CACNA1B: variants seen among roughly 807,000 people sequenced by gnomAD.
CACNA1B encodes the protein voltage-dependent N-type calcium channel subunit alpha-1B.
CACNA1B carries 70 observed loss-of-function variants against 247.2 expected under a neutral mutation model. That is an observed-to-expected ratio of 0.28 (90% CI 0.23 to 0.35). The LOEUF (loss-of-function observed/expected upper bound fraction) is 0.35. CACNA1B is among the 10% of genes least tolerant of loss of function. The pLI is 1.00. For synonymous variants in CACNA1B, 1,231 were observed against 1,294.4 expected (o/e 0.95, Z 1.05); for missense variants, 2,367 against 3,197.4 (o/e 0.74, Z 6.26).
At chr9:138,015,594 TGGCCTGCGGAGCGG>T (rs935573492) in intron 18 of CACNA1B, among the ~76,000 whole-genome samples, 18 of 152,232 alleles carry the variant, frequency 1.2e-4, no homozygotes, top group African/African-American at 3.9e-4. Context: ...CTGTGCTGCG[TGGCCTGCGGAGCGG>T]GGCCAATGCC....
chr9:137,992,654 A>G (rs1958445434), intron 15 of CACNA1B, among the ~76,000 whole-genome samples: 1 of 152,192 alleles, frequency 6.6e-6, no homozygotes, highest in African/African-American at 2.4e-5. Context: ...TCATCAGCAC[A>G]TGGAACATTC....
rs1959541035 is a variant in CACNA1B at position 138,057,198 on chromosome 9, AAGTGCTGGGATTAC to A, written c.3969-531_3969-518del. On this transcript the variant is annotated intron_variant, in intron 26 of 46. Coordinates refer to ENST00000371372, the MANE Select transcript of CACNA1B (RefSeq NM_000718.4). This position sits in a 1 kb window ranked among gnomAD's most constrained non-coding sequence, Gnocchi z 4.0. The stretch of plus-strand genomic sequence containing the variant: ...GTGATCCGCCCGCCTCGGCCTCCCA[AAGTGCTGGGATTAC>A]AGGCGTGAGCCACCGCGCCCGGCCT... Among the ~76,000 whole-genome samples the A allele has an allele frequency of 6.6e-6, 1 of 152,008 alleles. No homozygotes were observed. The highest frequency in any genetic ancestry group is 2.1e-4 in the South Asian group (1 of 4,824).
chr9:137,887,425 G>A (rs1346544950), intron 3 of CACNA1B, among the ~76,000 whole-genome samples: 1 of 151,922 alleles, frequency 6.6e-6, no homozygotes. Context: ...TCCATGCCAC[G>A]TGCATAGTCC....
intron 20 of CACNA1B, among the ~76,000 whole-genome samples, chr9:138,039,038 G>A (rs1012305443): frequency 6.6e-6 from 1 of 151,698 alleles, no homozygotes; most frequent in Non-Finnish European, 1.5e-5. Context: ...AAAAAAAAGT[G>A]TATAAAAATT....
At chr9:137,993,637 G>C (rs1958461753) in intron 15 of CACNA1B, among the ~76,000 whole-genome samples, 1 of 152,138 alleles carries the variant, frequency 6.6e-6, no homozygotes, top group Non-Finnish European at 1.5e-5. Context: ...AACCATCCTA[G>C]CTTAAATCAG....
intron 23 of CACNA1B, 119 bp downstream of exon 23, chr9:138,047,577 G>A (rs771301643): frequency 9.9e-6 from 7 of 709,760 alleles, no homozygotes; most frequent in Non-Finnish European, 1.8e-5. Context: ...CATATGGTAG[G>A]TGTGTGCGTA....
At chr9:137,956,517 G>C (rs1047516995) in intron 8 of CACNA1B, among the ~76,000 whole-genome samples, 15 of 152,166 alleles carry the variant, frequency 9.9e-5, no homozygotes, top group African/African-American at 3.6e-4. Flanking sequence ...AATTAGCCGG[G>C]CATGGTAGCA....
chr9:138,124,391 G>A lies in CACNA1B; in HGVS notation c.*2392G>A, dbSNP rs1256351520. On this transcript the variant is annotated 3_prime_UTR_variant, in exon 47 of 47. Transcript: ENST00000371372. ...TAATTATATTTGATATAAATCAAAG[G>A]TTTGTTGCAAAACTTTATATTTAAG... 2.0e-5 allele frequency: 3 copies of A among 151,024 alleles called. No individual in the cohort carries two copies. Among genetic ancestry groups the A allele is most frequent in the Admixed American group, 6.6e-5 (1 of 15,132 alleles). 9.4% of individuals were successfully genotyped at this position (151,024 alleles called of 1,614,324 possible).
rs1956901529 is a variant in CACNA1B at position 137,880,430 on chromosome 9, G to A, written c.390+1271G>A. ...CTGGAGAAGAGGGTGAGCTTGAGAG[G>A]AAACAGGCAGAGAGCCTTGAATGCC... On this transcript the variant is annotated intron_variant, in intron 2 of 46. Coordinates refer to ENST00000371372, the MANE Select transcript of CACNA1B (RefSeq NM_000718.4). The surrounding 1 kb of genome is among the most constrained non-coding windows in gnomAD (Gnocchi z 4.8). Among the ~76,000 whole-genome samples the A allele has an allele frequency of 2.6e-5, 4 of 152,036 alleles. No individual in the cohort carries two copies. In the South Asian group the frequency reaches 8.3e-4, roughly 32 times the overall value.
chr9:137,929,277 G>A (rs563168419), intron 6 of CACNA1B, among the ~76,000 whole-genome samples: 48 of 152,314 alleles, frequency 3.2e-4, no homozygotes, highest in Non-Finnish European at 6.0e-4. Context: ...CATCAGGCCA[G>A]GAGTGGTGGT....
intron 24 of CACNA1B, among the ~76,000 whole-genome samples, chr9:138,049,671 A>G (rs7853637): frequency 6.6e-6 from 1 of 152,098 alleles, no homozygotes. Context: ...TTTGCCTCCC[A>G]GGGTCCTTGG....
rs896914959 is a variant in CACNA1B at position 138,007,390 on chromosome 9, G to A, written c.2092+506G>A. On this transcript the variant is annotated intron_variant, in intron 16 of 46. Transcript: ENST00000371372. This position sits in a 1 kb window ranked among gnomAD's most constrained non-coding sequence, Gnocchi z 4.1. ...CTGTGGGGTCAGAGCGAGCCCAGCC[G>A]CCGGTGGTGAGCTCTGCCCTAGCAA... 2.2e-5 allele frequency among the ~76,000 whole-genome samples: 3 copies of A among 134,812 alleles called. No individual in the cohort carries two copies. Among genetic ancestry groups the A allele is most frequent in the Admixed American group, 6.8e-5 (1 of 14,768 alleles). The allele number at this position is 134,812 out of a possible 152,430, so 88.4% of individuals were successfully genotyped here.
chr9:137,927,003 G>A (rs1046375323), intron 6 of CACNA1B, among the ~76,000 whole-genome samples: 1 of 152,076 alleles, frequency 6.6e-6, no homozygotes, highest in African/African-American at 2.4e-5. Flanking sequence ...TGAATTGATG[G>A]TGTCATTTGA....
intron 6 of CACNA1B, among the ~76,000 whole-genome samples, chr9:137,932,140 C>T (rs1016703582): frequency 3.3e-5 from 5 of 152,122 alleles, no homozygotes; most frequent in African/African-American, 9.7e-5. Context: ...TTTTGTATGG[C>T]GACGATACTT....
chr9:137,987,411 C>A (rs1452508362), intron 15 of CACNA1B, among the ~76,000 whole-genome samples: 1 of 152,206 alleles, frequency 6.6e-6, no homozygotes, highest in East Asian at 1.9e-4. Flanking sequence ...TGGGTACTCT[C>A]CCCTTCCATA....
Position 138,052,179 on chromosome 9 carries a change from C to G in CACNA1B, c.3798C>G (p.Pro1266=). The change falls in exon 25 of 47, where the codon CCC becomes CCG. Residue 1266 remains proline (P), a synonymous_variant. Transcript: ENST00000371372. This position sits in a 1 kb window ranked among gnomAD's most constrained non-coding sequence, Gnocchi z 5.1. ...CCCTCAAGACCATCAAACGGCTGCCCAAGCTCAAGGTTAGAGCCTGGAGTT... is the reference window on the plus strand; with the variant it reads ...CCCTCAAGACCATCAAACGGCTGCCGAAGCTCAAGGTTAGAGCCTGGAGTT... ...LRPLKTIKRL[P]KLKAVFDCVV... is the part of the protein sequence containing the mutation. 6.2e-7 allele frequency: 1 copy of G among 1,604,044 alleles called. No homozygotes were observed. Among genetic ancestry groups the G allele is most frequent in the Non-Finnish European group, 8.5e-7 (1 of 1,172,382 alleles).
intron 37 of CACNA1B, chr9:138,101,011 G>A (rs1961233154): frequency 1.5e-5 from 7 of 454,044 alleles, no homozygotes; most frequent in East Asian, 7.0e-5. Flanking sequence ...CCACGCCTGC[G>A]CGAGGTCGGT....
rs181144825 is a variant in CACNA1B at position 137,966,141 on chromosome 9, C to G, written c.1334-5242C>G. Among the ~76,000 whole-genome samples the G allele has an allele frequency of 2.0e-5, 3 of 151,960 alleles. No individual in the cohort carries two copies. The South Asian group carries it at 6.2e-4, about 32-fold the overall frequency. On this transcript the variant is annotated intron_variant, in intron 10 of 46. Coordinates refer to ENST00000371372, the MANE Select transcript of CACNA1B (RefSeq NM_000718.4). ...GTTTTTAACTTGCATTTGCCTGGTACCTTTCTTTTCCTTTCATTTCCAGCT... is the reference window on the plus strand; with the variant it reads ...GTTTTTAACTTGCATTTGCCTGGTAGCTTTCTTTTCCTTTCATTTCCAGCT...
At chr9:138,070,932 G>A (rs2133531453) in intron 32 of CACNA1B, among the ~76,000 whole-genome samples, 1 of 152,336 alleles carries the variant, frequency 6.6e-6, no homozygotes, top group African/African-American at 2.4e-5. Context: ...GTGGTAGCTG[G>A]CCCACATCGG....
Sources: allele counts gnomAD v4.1 joint callset (sites outside exome capture counted in the v4.1 genomes callset), GRCh38; gene constraint gnomAD v4.1.1; non-coding constraint Gnocchi (gnomAD v3.1); transcripts MANE v1.5; gene names NCBI Gene and HGNC (gene_info 2026-07-23, HGNC 2026-07-21).